PDCL2: variants seen among roughly 807,000 people sequenced by gnomAD.
PDCL2 encodes the protein phosducin like 2.
In PDCL2, 23 loss-of-function variants were observed where a neutral mutation model predicts 30.3. That is an observed-to-expected ratio of 0.76 (90% confidence interval 0.55 to 1.08). The LOEUF (loss-of-function observed/expected upper bound fraction) is 1.08. PDCL2 is among the 50% of genes least tolerant of loss of function. The pLI is 0.00. For synonymous variants in PDCL2, 68 were observed against 86.2 expected, an observed-to-expected ratio of 0.79 and a Z score of 1.17; for missense variants, 243 against 282.3, an observed-to-expected ratio of 0.86 and a Z score of 1.00.
chr4:55,559,333 T>C (rs914587409), intron 5 of PDCL2, among the ~76,000 whole-genome samples: 3 of 131,052 alleles, frequency 2.3e-5, no homozygotes, highest in Non-Finnish European at 5.1e-5. Context: ...AATGGGAAAA[T>C]TGGAAACTCA....
intron 5 of PDCL2, 102 bp downstream of exon 5, chr4:55,562,302 C>T: frequency 1.5e-6 from 1 of 677,310 alleles, no homozygotes. Context: ...AGACTAGAAG[C>T]AAGGAAAAAA....
chr4:55,573,761 A>G (rs1391557971), intron 3 of PDCL2, among the ~76,000 whole-genome samples: 3 of 151,056 alleles, frequency 2.0e-5, no homozygotes, highest in African/African-American at 4.9e-5. Flanking sequence ...CCTCTCCCCC[A>G]CAAAAAAAAA....
At chr4:55,563,799 G>A (rs1256503681) in intron 4 of PDCL2, among the ~76,000 whole-genome samples, 1 of 152,200 alleles carries the variant, frequency 6.6e-6, no homozygotes, top group African/African-American at 2.4e-5. Flanking sequence ...GCTATGGGAG[G>A]CAGAGAAGAG....
In PDCL2 at chr4:55,569,780, A is replaced by T; in HGVS notation, c.300T>A (p.Tyr100Ter). Reference sequence around the variant, plus strand: ...CTTCTGCATTTGTGACTTCATTCACATACTGATTTCCAGAAATTTCTCTTA... The same window carrying T: ...CTTCTGCATTTGTGACTTCATTCACTTACTGATTTCCAGAAATTTCTCTTA... ...GELREISGNQ[Y>*]VNEVTNAEED... is the part of the protein sequence containing the mutation. The change falls in exon 4 of 6, where the codon TAT becomes TAA. Residue 100 changes from tyrosine (Y) to a stop codon, truncating the protein, a stop_gained. Coordinates refer to ENST00000295645, the MANE Select transcript of PDCL2 (RefSeq NM_152401.3). LOFTEE classifies it high-confidence loss of function. 1.3e-6 allele frequency: 2 copies of T among 1,566,426 alleles called. No individual in the cohort carries two copies. Among genetic ancestry groups the T allele is most frequent in the Non-Finnish European group, 1.7e-6 (2 of 1,154,712 alleles).
chr4:55,592,061 C>T lies in PDCL2; in HGVS notation c.6+43G>A, dbSNP rs988219250. ...CTTGGCTTCGGGCCCAGCTGGAGAC[C>T]CACTGGGTGTTCCAGGGTGGCTCGG... On this transcript the variant is annotated intron_variant, in intron 1 of 5. Coordinates refer to ENST00000295645, the MANE Select transcript of PDCL2 (RefSeq NM_152401.3). 3.1e-6 allele frequency: 5 copies of T among 1,605,618 alleles called. No homozygotes were observed. The Admixed American group carries it at 5.1e-5, about 16-fold the overall frequency.
intron 1 of PDCL2, among the ~76,000 whole-genome samples, chr4:55,589,265 C>G (rs1432794759): frequency 1.3e-5 from 2 of 152,158 alleles, no homozygotes; most frequent in Non-Finnish European, 2.9e-5. Flanking sequence ...TCCTTGTGTG[C>G]TTGGTTACCT....
intron 3 of PDCL2, among the ~76,000 whole-genome samples, chr4:55,575,161 G>C (rs1732531327): frequency 6.6e-6 from 1 of 152,182 alleles, no homozygotes; most frequent in Admixed American, 6.5e-5. Context: ...AGAACACCCA[G>C]TTGGTGTCCA....
At chr4:55,579,339 G>C (rs556354339) in intron 3 of PDCL2, among the ~76,000 whole-genome samples, 8 of 152,240 alleles carry the variant, frequency 5.3e-5, no homozygotes, top group Admixed American at 2.0e-4. Context: ...TTGTTTGTTT[G>C]TTTGTTTGAG....
chr4:55,564,930 CA>C (rs1732224537), intron 4 of PDCL2, among the ~76,000 whole-genome samples: 1 of 152,226 alleles, frequency 6.6e-6, no homozygotes, highest in Non-Finnish European at 1.5e-5. Flanking sequence ...TGCCCCGAAT[CA>C]TTCCTGGACT....
In PDCL2 at chr4:55,592,147, T is replaced by A; in HGVS notation, c.-38A>T. The A allele has an allele frequency of 6.2e-7, 1 of 1,605,992 alleles. No homozygotes were observed. Among genetic ancestry groups the A allele is most frequent in the Non-Finnish European group, 8.5e-7 (1 of 1,176,890 alleles). On this transcript the variant is annotated 5_prime_UTR_variant, in exon 1 of 6. Transcript: ENST00000295645. ...TGCCCCTCAAGAGCCCGCGTCGTCCTGCAGCTGGCGAGGCGCCACGGATGG... is the reference window on the plus strand; with the variant it reads ...TGCCCCTCAAGAGCCCGCGTCGTCCAGCAGCTGGCGAGGCGCCACGGATGG...
chr4:55,585,622 T>C (rs1732841356), intron 1 of PDCL2, among the ~76,000 whole-genome samples: 1 of 152,230 alleles, frequency 6.6e-6, no homozygotes, highest in South Asian at 2.1e-4. Flanking sequence ...GGATTGTTAT[T>C]AGTTCTCCTT....
intron 3 of PDCL2, among the ~76,000 whole-genome samples, chr4:55,578,357 T>A (rs1435112223): frequency 6.6e-6 from 1 of 152,178 alleles, no homozygotes; most frequent in Non-Finnish European, 1.5e-5. Context: ...GTCAGCTGCC[T>A]GTCATGGAGC....
chr4:55,583,308 A>C (rs1732775475), intron 1 of PDCL2, among the ~76,000 whole-genome samples: 1 of 152,180 alleles, frequency 6.6e-6, no homozygotes, highest in Non-Finnish European at 1.5e-5. Context: ...TATATATTTT[A>C]AGTAGTAATG....
chr4:55,564,334 G>C (rs978709266), intron 4 of PDCL2, among the ~76,000 whole-genome samples: 1 of 152,156 alleles, frequency 6.6e-6, no homozygotes, highest in Non-Finnish European at 1.5e-5. Context: ...GTGATGCAGG[G>C]AGAAAGGGTT....
At chr4:55,571,665 C>T (rs1276222030) in intron 3 of PDCL2, among the ~76,000 whole-genome samples, 1 of 48,916 alleles carries the variant, frequency 2.0e-5, no homozygotes, top group African/African-American at 1.2e-4. Flanking sequence ...CCAGCCTGGG[C>T]GACAGAGTGA....
chr4:55,572,041 A>C (rs1324306665), intron 3 of PDCL2, among the ~76,000 whole-genome samples: 1 of 151,882 alleles, frequency 6.6e-6, no homozygotes, highest in Non-Finnish European at 1.5e-5. Flanking sequence ...GCAACTATCA[A>C]CAACTTCCCT....
At chr4:55,572,885 G>A (rs1015395720) in intron 3 of PDCL2, among the ~76,000 whole-genome samples, 1 of 151,788 alleles carries the variant, frequency 6.6e-6, no homozygotes, top group African/African-American at 2.4e-5. Flanking sequence ...TCAGCCTCCC[G>A]GGTAGCTGGG....
Position 55,582,155 on chromosome 4 carries a change from A to G in PDCL2, c.89T>C (p.Ile30Thr), listed in dbSNP as rs1169302953. Reference protein sequence around the residue: ...LPPKEESKDEIEEMVLRLQKE... With the variant: ...LPPKEESKDETEEMVLRLQKE... ...CTGTAAACGTAAAACCATTTCTTCA[A>G]TTTCATCTTTTGACTCTTCTTTAGG... The change falls in exon 2 of 6, where the codon ATT (isoleucine) becomes ACT (threonine). Residue 30 changes from isoleucine to threonine, a missense_variant. Transcript: ENST00000295645. The G allele has an allele frequency of 1.2e-6, 2 of 1,613,126 alleles. No homozygotes were observed. The highest frequency in any genetic ancestry group is 1.1e-5 in the South Asian group (1 of 90,792).
chr4:55,590,334 T>C (rs1469132546), intron 1 of PDCL2, among the ~76,000 whole-genome samples: 1 of 150,136 alleles, frequency 6.7e-6, no homozygotes, highest in African/African-American at 2.4e-5. Flanking sequence ...AAAAATTAAC[T>C]GTGTATGGTG....
Sources: allele counts gnomAD v4.1 joint callset (sites outside exome capture counted in the v4.1 genomes callset), GRCh38; gene constraint gnomAD v4.1.1; transcripts MANE v1.5; gene names NCBI Gene and HGNC (gene_info 2026-07-23, HGNC 2026-07-21).